Variants in OTOG observed in about 807,000 individuals in gnomAD.
OTOG encodes otogelin.
OTOG carries 296 observed loss-of-function variants against 313.8 expected under a neutral mutation model. The observed-to-expected ratio is 0.94, with a 90% CI of 0.86 to 1.04. The LOEUF is 1.04. Ranked by LOEUF, OTOG falls within the 50% of genes least tolerant of loss-of-function variation. The pLI, the probability that OTOG is intolerant of heterozygous loss-of-function variation, is 0.00. For missense variants in OTOG, 3,948 were observed against 3,840.1 expected (o/e 1.03, Z -0.74); for synonymous variants, 1,533 against 1,554.9 (o/e 0.99, Z 0.33).
rs1214297784 is a variant in OTOG, at chr11:17,553,522, G to A, written c.540+3G>A. The A allele has an allele frequency of 7.0e-6, 10 of 1,431,392 alleles. No homozygotes were observed. Among genetic ancestry groups the A allele is most frequent in the Admixed American group, 6.1e-5 (2 of 32,704 alleles). The allele number at this position is 1,431,392 out of a possible 1,614,324, so 88.7% of individuals were successfully genotyped here. On this transcript the variant is annotated splice_donor_region_variant and intron_variant, in intron 6 of 55. Transcript: ENST00000399397. The stretch of plus-strand genomic sequence containing the variant: ...AGGGACAGAGCTTCTCCATCCAGGT[G>A]AGGCCTCCCCTGCCTTGCCTGTCCA...
intron 34 of OTOG, 76 bp from the exon 35 acceptor site, chr11:17,609,054 T>C (rs747406331): frequency 1.2e-5 from 14 of 1,179,444 alleles, no homozygotes; most frequent in Non-Finnish European, 1.6e-5. Flanking sequence ...GGATAAGGCC[T>C]GTGCTCAATC....
chr11:17,603,334 C>T (rs987130244), intron 32 of OTOG, among the ~76,000 whole-genome samples: 8 of 152,190 alleles, frequency 5.3e-5, no homozygotes, highest in Non-Finnish European at 8.8e-5. Context: ...TCCTGCCTGA[C>T]GAAGGGTGTC....
In OTOG at chr11:17,562,048, T is replaced by A. The variant is rs4757546; in HGVS notation, c.1644+241T>A. ...AGGATTTTACTACCTAAAAAAAAAA[T>A]ATATATATATATATATATATATATG... On this transcript the variant is annotated intron_variant, in intron 15 of 55. Transcript: ENST00000399397. Among the ~76,000 whole-genome samples the A allele has an allele frequency of 0.55, 55,753 of 101,816 alleles. 12,228 individuals are homozygous for A. The highest frequency in any genetic ancestry group is 0.61 in the Non-Finnish European group (31,695 of 52,190). The allele number at this position is 101,816 out of a possible 152,430, so 66.8% of individuals were successfully genotyped here.
chr11:17,642,010 A>G, intron 52 of OTOG, 59 bp downstream of exon 52: 1 of 1,532,500 alleles, frequency 6.5e-7, no homozygotes. Context: ...CACCAGGACT[A>G]GGGCCCTCTC....
intron 4 of OTOG, among the ~76,000 whole-genome samples, chr11:17,552,448 C>G (rs1851956320): frequency 6.9e-6 from 1 of 145,228 alleles, no homozygotes; most frequent in Admixed American, 6.9e-5. Context: ...AGCCCCCACT[C>G]CCTGTCCTGT....
intron 4 of OTOG, among the ~76,000 whole-genome samples, chr11:17,552,617 T>TGTCCTGTGTCCCC (rs1554967694): frequency 1.6e-4 from 24 of 151,260 alleles, no homozygotes; most frequent in African/African-American, 4.9e-4. Flanking sequence ...ACCTGTCCTC[T>TGTCCTGTGTCCCC]CACATCATGG....
intron 38 of OTOG, 65 bp downstream of exon 38, chr11:17,612,830 G>A (rs575913074): frequency 2.4e-5 from 36 of 1,487,544 alleles, no homozygotes; most frequent in Non-Finnish European, 2.8e-5. Flanking sequence ...GAGGGGAGAC[G>A]GAGCAGTGAG....
intron 42 of OTOG, 21 bp downstream of exon 42, chr11:17,632,247 G>T: frequency 6.5e-7 from 1 of 1,543,952 alleles, no homozygotes; most frequent in East Asian, 2.5e-5. Context: ...GGGGCAGGGG[G>T]ACCCTCCATT....
At chr11:17,577,564 C>A (rs1852560288) in intron 22 of OTOG, among the ~76,000 whole-genome samples, 1 of 152,210 alleles carries the variant, frequency 6.6e-6, no homozygotes, top group African/African-American at 2.4e-5. Flanking sequence ...ACTAGCTGTG[C>A]AGCCCTGGGC....
At chr11:17,639,313 C>G in intron 48 of OTOG, 110 bp from the exon 49 acceptor site, 3 of 1,168,400 alleles carry the variant, frequency 2.6e-6, no homozygotes, top group Non-Finnish European at 2.5e-6. Context: ...TGGCCTGGAG[C>G]TGGGTCTTCA....
chr11:17,633,615 C>T (rs1047576246), intron 42 of OTOG, 65 bp from the exon 43 acceptor site: 177 of 1,411,512 alleles, frequency 1.3e-4, no homozygotes, highest in Middle Eastern at 1.9e-4. Context: ...CCTGTTCTTT[C>T]GGCCCTCAGT....
In OTOG at chr11:17,547,409, T is replaced by C; in HGVS notation, c.37T>C (p.Cys13Arg). ...VLASALCWLL[C>R]VWLPWGEQAA... ...GGCGTCTGCGCTCTGCTGGCTGCTTTGTGTCTGGCTGCCCTGGGGTGAGCA... is the reference window on the plus strand; with the variant it reads ...GGCGTCTGCGCTCTGCTGGCTGCTTCGTGTCTGGCTGCCCTGGGGTGAGCA... Residue 13 changes from cysteine to arginine, a missense_variant, in exon 1 of 56, where the codon TGT becomes CGT. Transcript: ENST00000399397. The C allele has an allele frequency of 7.0e-7, 1 of 1,420,506 alleles. No homozygotes were observed. 88.0% of individuals were successfully genotyped at this position (1,420,506 alleles called of 1,614,324 possible).
rs756478477 is a variant in OTOG at position 17,570,331 on chromosome 11, G to A, written c.1896G>A (p.Trp632Ter). The stretch of plus-strand genomic sequence containing the variant: ...TGTACCTGCAAGTGGACCAGCGATG[G>A]GTGGAGGATACCGTGGGCCTCTGCG... The part of the protein sequence containing the change: ...LRLYLQVDQR[W>*]VEDTVGLCGT... Residue 632 changes from tryptophan to a stop codon, truncating the protein, a stop_gained, in exon 17 of 56, where the codon TGG becomes TGA. Coordinates refer to ENST00000399397, the MANE Select transcript of OTOG (RefSeq NM_001292063.2). LOFTEE classifies it high-confidence loss of function. 6.4e-7 allele frequency: 1 copy of A among 1,550,576 alleles called. No individual in the cohort carries two copies. The highest frequency in any genetic ancestry group is 1.4e-5 in the African/African-American group (1 of 73,036).
chr11:17,573,043 C>T, intron 18 of OTOG, 35 bp from the exon 19 acceptor site: 1 of 1,507,478 alleles, frequency 6.6e-7, no homozygotes, highest in Admixed American at 2.0e-5. Flanking sequence ...AGACCGACTC[C>T]CCTGACTGCC....
chr11:17,644,566 A>AT (rs1266307327), intron 54 of OTOG, among the ~76,000 whole-genome samples: 10 of 152,360 alleles, frequency 6.6e-5, no homozygotes, highest in Admixed American at 6.5e-4. Flanking sequence ...AATAACAAGT[A>AT]TAAAAATATA....
chr11:17,563,327 T>C (rs1048427300), intron 15 of OTOG, among the ~76,000 whole-genome samples: 1 of 152,254 alleles, frequency 6.6e-6, no homozygotes, highest in Non-Finnish European at 1.5e-5. Context: ...CCTGCCTCCC[T>C]GCTGGCCTTG....
At chr11:17,577,868 G>T (rs1040599260) in intron 22 of OTOG, among the ~76,000 whole-genome samples, 8 of 152,088 alleles carry the variant, frequency 5.3e-5, no homozygotes, top group African/African-American at 1.7e-4. Context: ...GGGAGAGGGG[G>T]TGCATTCATG....
rs969617551 is a variant in OTOG at position 17,559,158 on chromosome 11, T to G, written c.1210T>G (p.Cys404Gly). The G allele has an allele frequency of 1.3e-6, 2 of 1,535,960 alleles. No homozygotes were observed. The highest frequency in any genetic ancestry group is 1.7e-6 in the Non-Finnish European group (2 of 1,145,842). The change falls in exon 11 of 56, where the codon TGC (cysteine) becomes GGC (glycine). Residue 404 changes from cysteine (C) to glycine (G), a missense_variant. Physicochemically the swap from Cys to Gly is radical, Grantham distance 159. Transcript: ENST00000399397. ...LQGWRTQLRQ[C>G]TVHCKEKAFT... ...AGGCTGGAGGACCCAGCTCCGGCAA[T>G]GCAGTAGGTGCAGCCCAGTAGTGGG...
At chr11:17,603,552 C>T (rs1853305905) in intron 32 of OTOG, among the ~76,000 whole-genome samples, 1 of 152,144 alleles carries the variant, frequency 6.6e-6, no homozygotes, top group Non-Finnish European at 1.5e-5. Flanking sequence ...AGTCCAGGCT[C>T]CGTCTCAGAG....
Sources: allele counts gnomAD v4.1 joint callset (sites outside exome capture counted in the v4.1 genomes callset), GRCh38; gene constraint gnomAD v4.1.1; transcripts MANE v1.5; gene names NCBI Gene and HGNC (gene_info 2026-07-23, HGNC 2026-07-21).